LPP: variants seen among roughly 807,000 people sequenced by gnomAD.
LPP encodes LIM domain containing preferred translocation partner in lipoma, also known as lipoma-preferred partner.
Under a neutral mutation model 60.4 loss-of-function variants are expected in LPP, and 38 were observed. That is an observed-to-expected ratio of 0.63 (90% CI 0.49 to 0.83). The LOEUF is 0.83. LPP is among the 40% of genes least tolerant of loss of function. The pLI, the probability that LPP is intolerant of heterozygous loss-of-function variation, is 0.00. For missense variants in LPP, 902 were observed against 783.6 expected (o/e 1.15, Z -1.80); for synonymous variants, 328 against 290.8 (o/e 1.13, Z -1.30).
At chr3:188,731,582 G>A (rs1267897123) in intron 8 of LPP, among the ~76,000 whole-genome samples, 1 of 141,642 alleles carries the variant, frequency 7.1e-6, no homozygotes, top group Non-Finnish European at 1.6e-5. Context: ...GAGTGCAGTG[G>A]TGCGATCTCG....
intron 2 of LPP, among the ~76,000 whole-genome samples, chr3:188,239,692 A>G (rs377426790): frequency 6.6e-6 from 1 of 152,332 alleles, no homozygotes; most frequent in East Asian, 1.9e-4. Context: ...AGCCATTGGC[A>G]GGTGGTGTCT....
chr3:188,250,712 TTCTTTCTTTCTC>T (rs1283248794), intron 2 of LPP, among the ~76,000 whole-genome samples: 46 of 147,102 alleles, frequency 3.1e-4, no homozygotes, highest in African/African-American at 9.9e-4. Flanking sequence ...CCTCTTTCTT[TTCTTTCTTTCTC>T]TCTTTCTTTC....
chr3:188,255,398 G>C (rs990255185), intron 2 of LPP, among the ~76,000 whole-genome samples: 1 of 152,168 alleles, frequency 6.6e-6, no homozygotes, highest in Non-Finnish European at 1.5e-5. Context: ...CATGAAATTG[G>C]TGCTTTTCCT....
chr3:188,335,484 C>G (rs1761387727), intron 2 of LPP, among the ~76,000 whole-genome samples: 1 of 152,082 alleles, frequency 6.6e-6, no homozygotes, highest in African/African-American at 2.4e-5. Context: ...AGATCCTGGC[C>G]TATAATTTTC....
chr3:188,617,795 C>T lies in LPP; in HGVS notation c.1113+7951C>T, dbSNP rs190691693. On this transcript the variant is annotated intron_variant, in intron 7 of 11. Coordinates refer to ENST00000617246, the MANE Select transcript of LPP (RefSeq NM_001375462.1). ...CAGGTAATTCTGGCAATATGTAATT[C>T]TTTGTGTTTACAGAGTGAGAGAAAT... 2.0e-4 allele frequency among the ~76,000 whole-genome samples: 31 copies of T among 152,194 alleles called. No homozygotes were observed. The East Asian group carries it at 5.0e-3, about 25-fold the overall frequency.
chr3:188,376,886 T>C (rs1326791561), intron 3 of LPP, among the ~76,000 whole-genome samples: 1 of 152,204 alleles, frequency 6.6e-6, no homozygotes, highest in Non-Finnish European at 1.5e-5. Flanking sequence ...CAGGAGCTCT[T>C]GTAAGGCAGG....
At chr3:188,838,411 T>A (rs936040383) in intron 9 of LPP, among the ~76,000 whole-genome samples, 2 of 152,186 alleles carry the variant, frequency 1.3e-5, no homozygotes, top group African/African-American at 2.4e-5. Context: ...TCCTAAACAT[T>A]TGACATAATC....
rs767207081 is a variant in LPP, at chr3:188,406,670, G to T, written c.193+357G>T. Among the ~76,000 whole-genome samples, 4 of 152,088 alleles carry T rather than the reference G, an allele frequency of 2.6e-5. 1 individual carries two copies. The highest frequency in any genetic ancestry group is 2.6e-4 in the Admixed American group (4 of 15,258). On this transcript the variant is annotated intron_variant, in intron 4 of 11. Coordinates refer to ENST00000617246, the MANE Select transcript of LPP (RefSeq NM_001375462.1). ...CAGACAGTCATCCCTCCCTCTTGCC[G>T]TTGGACAAATGTCCACAAATGCTGC...
At chr3:188,409,056 A>T (rs1578681019) in intron 4 of LPP, among the ~76,000 whole-genome samples, 1 of 152,302 alleles carries the variant, frequency 6.6e-6, no homozygotes. Context: ...GAATGGTTGC[A>T]TATGGTCAAA....
intron 6 of LPP, among the ~76,000 whole-genome samples, chr3:188,549,970 C>T (rs778240096): frequency 6.6e-6 from 1 of 152,052 alleles, no homozygotes; most frequent in Admixed American, 6.6e-5. Flanking sequence ...TAGTTTGTGA[C>T]CTCTGTTACT....
intron 8 of LPP, among the ~76,000 whole-genome samples, chr3:188,741,308 T>A (rs993929573): frequency 2.0e-5 from 3 of 152,074 alleles, no homozygotes; most frequent in Non-Finnish European, 4.4e-5. Context: ...ATCCTTGTGC[T>A]GGTACTCCGC....
chr3:188,489,384 A>T (rs933314381), intron 5 of LPP, among the ~76,000 whole-genome samples: 2 of 152,222 alleles, frequency 1.3e-5, no homozygotes, highest in African/African-American at 4.8e-5. Context: ...AAGGATTCAT[A>T]GAAACAATTT....
In LPP at chr3:188,649,048, A is replaced by G. The variant is rs535197840; in HGVS notation, c.1113+39204A>G. On this transcript the variant is annotated intron_variant, in intron 7 of 11. Transcript: ENST00000617246. The stretch of plus-strand genomic sequence containing the variant: ...GTTTTTATCACTGTGTTATCTTGTC[A>G]AAGTGCTATCGTCATTGTCATTTTC... Among the ~76,000 whole-genome samples the G allele has an allele frequency of 5.9e-5, 9 of 152,342 alleles. No homozygotes were observed. The South Asian group carries it at 6.2e-4, about 11-fold the overall frequency.
At chr3:188,704,614 A>G (rs1394134652) in intron 7 of LPP, among the ~76,000 whole-genome samples, 2 of 152,186 alleles carry the variant, frequency 1.3e-5, no homozygotes, top group Non-Finnish European at 2.9e-5. Context: ...CTTTCTAAAT[A>G]TGATTAGAAC....
intron 5 of LPP, among the ~76,000 whole-genome samples, chr3:188,496,270 C>A (rs904886728): frequency 1.3e-5 from 2 of 152,028 alleles, no homozygotes; most frequent in African/African-American, 4.8e-5. Context: ...GGATTACAGG[C>A]ACGTGCCATC....
At chr3:188,614,319 C>A (rs1324561722) in intron 7 of LPP, among the ~76,000 whole-genome samples, 1 of 152,014 alleles carries the variant, frequency 6.6e-6, no homozygotes, top group Admixed American at 6.6e-5. Context: ...GTATGGTAAT[C>A]CCTGTGTTAA....
At chr3:188,857,794 C>T (rs146557504) in intron 9 of LPP, among the ~76,000 whole-genome samples, 1 of 151,846 alleles carries the variant, frequency 6.6e-6, no homozygotes, top group Non-Finnish European at 1.5e-5. Flanking sequence ...GTTGAAAGGA[C>T]AGATATAAAA....
At chr3:188,179,235 A>G (rs904231796) in intron 1 of LPP, 3 of 457,838 alleles carry the variant, frequency 6.6e-6, no homozygotes, top group African/African-American at 6.0e-5. Flanking sequence ...CATGCATGGA[A>G]TCTTCGGCTG....
intron 6 of LPP, among the ~76,000 whole-genome samples, chr3:188,608,623 T>G (rs1842973161): frequency 6.6e-6 from 1 of 152,254 alleles, no homozygotes; most frequent in African/African-American, 2.4e-5. Context: ...GGCTTTGTTC[T>G]TGGCTTCAAG....
Sources: gnomAD v4.1 joint callset for allele counts (sites outside exome capture counted in the v4.1 genomes callset) on GRCh38, gnomAD v4.1.1 for gene constraint, MANE v1.5 for transcripts, NCBI Gene and HGNC (gene_info 2026-07-23, HGNC 2026-07-21) for gene names.